The following APOL3 variants were observed in gnomAD, a reference collection of about 807,000 sequenced individuals.
The protein encoded by APOL3 is TNF-inducible protein CG12-1.
Under a neutral mutation model 11.6 loss-of-function variants are expected in APOL3, and 14 were observed. The ratio of observed to expected loss-of-function variants is 1.21; its 90% CI spans 0.80 to 1.89. The LOEUF is 1.89. APOL3 is among the 40% of genes most tolerant of loss of function. The pLI, the probability that APOL3 is intolerant of heterozygous loss-of-function variation, is 0.00. For missense variants in APOL3, 483 were observed against 492.1 expected (o/e 0.98, Z 0.17); for synonymous variants, 192 against 190.6 (o/e 1.01, Z -0.06).
At chr22:36,156,946 C>G in intron 1 of APOL3, 2 of 456,280 alleles carry the variant, frequency 4.4e-6, no homozygotes, top group Non-Finnish European at 8.8e-6. Flanking sequence ...CATGGCCCAG[C>G]TTCAGTTTCA....
chr22:36,153,381 A>G (rs1295819037), intron 1 of APOL3: 1 of 456,070 alleles, frequency 2.2e-6, no homozygotes, highest in East Asian at 6.9e-5. Context: ...CTGATGGGAG[A>G]AATGTCAGCT....
At chr22:36,157,658 AAAG>A (rs1408764898) in intron 1 of APOL3, among the ~76,000 whole-genome samples, 2 of 152,258 alleles carry the variant, frequency 1.3e-5, no homozygotes. Flanking sequence ...GAATAAAATG[AAAG>A]AATAGGAAGC....
exon 3 of APOL3, chr22:36,141,688 C>G (rs148518852): frequency 4.3e-6 from 7 of 1,613,934 alleles, no homozygotes; most frequent in Admixed American, 3.3e-5. Flanking sequence ...TATGAGTGCT[C>G]CACGATGCTG....
rs138520378 is a variant in APOL3, at chr22:36,153,780, C to T, written c.223+6889G>A. Among the ~76,000 whole-genome samples the T allele has an allele frequency of 2.2e-3, 332 of 152,310 alleles. 2 individuals are homozygous for T. Among genetic ancestry groups the T allele is most frequent in the African/African-American group, 7.7e-3 (321 of 41,560 alleles). On this transcript the variant is annotated intron_variant, in intron 1 of 2. Coordinates refer to ENST00000349314, the Ensembl canonical transcript of APOL3. ...TTGAGGACGTATGCCTGTGACACAG[C>T]CTCAGGAAGTCCTGATGACATGTGC...
chr22:36,161,058 TC>T (rs2013667253), upstream of APOL3: 1 of 629,384 alleles, frequency 1.6e-6, no homozygotes, highest in South Asian at 1.9e-5. Context: ...TCCAGATTAC[TC>T]CCCACCCCCA....
exon 3 of APOL3, chr22:36,141,920 G>A (rs5756083): frequency 6.2e-7 from 1 of 1,614,186 alleles, no homozygotes; most frequent in Non-Finnish European, 8.5e-7. Flanking sequence ...TGGACTCCTG[G>A]ATCTTCCTCT....
intron 1 of APOL3, among the ~76,000 whole-genome samples, chr22:36,158,741 C>T (rs767187178): frequency 2.6e-4 from 39 of 152,094 alleles, no homozygotes; most frequent in Non-Finnish European, 4.4e-4. Context: ...TCACTTGAAC[C>T]CAGGAGGCGG....
intron 1 of APOL3, among the ~76,000 whole-genome samples, chr22:36,156,201 C>T (rs2012793953): frequency 6.6e-6 from 1 of 152,084 alleles, no homozygotes; most frequent in Non-Finnish European, 1.5e-5. Context: ...ATCAATCGAT[C>T]CTCCTGCCTC....
At position 36,160,735 on chromosome 22, in the gene APOL3, C is replaced by G. The variant is rs1284139951; in HGVS notation, c.157G>C (p.Glu53Gln). The G allele has an allele frequency of 2.5e-6, 4 of 1,613,812 alleles. No homozygotes were observed. In the Admixed American group the frequency reaches 6.7e-5, roughly 27 times the overall value. Residue 53 changes from glutamate to glutamine, a missense_variant, in exon 1 of 3, where the codon GAG (glutamate) becomes CAG (glutamine). Glu to Gln is a conservative substitution (Grantham distance 29). Coordinates refer to ENST00000349314, the Ensembl canonical transcript of APOL3. ...GTTCTGAGCTGTGTGGATCCCACCT[C>G]CAGCCGTGCATCTGCATAATAACCA...
exon 3 of APOL3, chr22:36,141,628 C>T: frequency 6.2e-7 from 1 of 1,614,188 alleles, no homozygotes; most frequent in Non-Finnish European, 8.5e-7. Flanking sequence ...TTCAATCGGT[C>T]AATGCTGGTT....
upstream of APOL3, among the ~76,000 whole-genome samples, chr22:36,161,888 C>T (rs1305713727): frequency 6.6e-6 from 1 of 152,028 alleles, no homozygotes; most frequent in East Asian, 1.9e-4. Context: ...AATTGTCAGT[C>T]AGCCGTTTGG....
chr22:36,151,094 G>A (rs894163895), intron 1 of APOL3, among the ~76,000 whole-genome samples: 10 of 152,076 alleles, frequency 6.6e-5, no homozygotes, highest in South Asian at 2.1e-4. Flanking sequence ...CCAGCCCCAC[G>A]ACCCATACAG....
chr22:36,152,957 A>T (rs1364133957), intron 1 of APOL3, among the ~76,000 whole-genome samples: 1 of 152,114 alleles, frequency 6.6e-6, no homozygotes, highest in Admixed American at 6.5e-5. Context: ...AAAAAAATGA[A>T]AAAATTAGCC....
In APOL3 at chr22:36,156,478, C is replaced by T. The variant is rs183654131; in HGVS notation, c.223+4191G>A. 3.7e-4 allele frequency among the ~76,000 whole-genome samples: 56 copies of T among 152,322 alleles called. 1 individual carries two copies. In the East Asian group the frequency reaches 0.01, roughly 27 times the overall value. On this transcript the variant is annotated intron_variant, in intron 1 of 2. Transcript: ENST00000349314. ...GGCACACGGGCTCCTACTTTCCTCA[C>T]TGCTCCCTGCCCACACAGTCACCTT...
intron 2 of APOL3, among the ~76,000 whole-genome samples, chr22:36,144,915 G>A (rs1481335253): frequency 2.0e-5 from 3 of 151,226 alleles, no homozygotes; most frequent in African/African-American, 7.3e-5. Context: ...GGAGGCTGGG[G>A]CAGGAGAATG....
chr22:36,158,955 G>T (rs1371246429), intron 1 of APOL3, among the ~76,000 whole-genome samples: 3 of 121,340 alleles, frequency 2.5e-5, no homozygotes, highest in African/African-American at 8.9e-5. Flanking sequence ...TGAATAGCAG[G>T]TGTGAGTGTG....
At chr22:36,158,356 T>C (rs1430756136) in intron 1 of APOL3, among the ~76,000 whole-genome samples, 3 of 152,142 alleles carry the variant, frequency 2.0e-5, no homozygotes, top group Non-Finnish European at 4.4e-5. Context: ...CCCCACGTCA[T>C]GGCACAGCAC....
chr22:36,144,962 G>GATCATGCC (rs2060132118), intron 2 of APOL3, among the ~76,000 whole-genome samples: 1 of 131,344 alleles, frequency 7.6e-6, no homozygotes, highest in African/African-American at 2.8e-5. Flanking sequence ...GGTGGGCCGA[G>GATCATGCC]ATCATGCCAC....
chr22:36,151,397 C>CA (rs1390335963), intron 1 of APOL3, among the ~76,000 whole-genome samples: 1 of 152,078 alleles, frequency 6.6e-6, no homozygotes, highest in African/African-American at 2.4e-5. Flanking sequence ...AACTCAAACC[C>CA]ATGTCCTCAG....
Sources: gnomAD v4.1 joint callset for allele counts (sites outside exome capture counted in the v4.1 genomes callset) on GRCh38, gnomAD v4.1.1 for gene constraint, MANE v1.5 for transcripts, NCBI Gene and HGNC (gene_info 2026-07-23, HGNC 2026-07-21) for gene names.